USP12: variants seen among roughly 807,000 people sequenced by gnomAD.
The protein encoded by USP12 is ubiquitin carboxyl-terminal hydrolase 12.
In USP12, 19 loss-of-function variants were observed where a neutral mutation model predicts 45.5. That is an observed-to-expected ratio of 0.42 (90% CI 0.29 to 0.61). USP12 has a LOEUF of 0.61. Among genes scored for constraint, USP12 ranks in the 20% least tolerant of loss-of-function variants. USP12 has a pLI of 0.22. For synonymous variants in USP12, 149 were observed against 148.8 expected (o/e 1.00, Z -0.01); for missense variants, 242 against 447.7 (o/e 0.54, Z 4.15).
At chr13:27,117,728 G>A (rs755768901) in intron 1 of USP12, 2 of 518,382 alleles carry the variant, frequency 3.9e-6, no homozygotes, top group Middle Eastern at 3.2e-4. Flanking sequence ...TGGGAATGGG[G>A]CAAAGGAGAA....
intron 2 of USP12, among the ~76,000 whole-genome samples, chr13:27,107,102 ATCAC>A (rs1875178840): frequency 6.6e-6 from 1 of 152,132 alleles, no homozygotes; most frequent in Admixed American, 6.5e-5. Context: ...AGGCAGGCGG[ATCAC>A]TTGAGGTTAG....
At chr13:27,167,814 C>T (rs1210303705) in intron 1 of USP12, among the ~76,000 whole-genome samples, 3 of 152,130 alleles carry the variant, frequency 2.0e-5, no homozygotes, top group African/African-American at 7.2e-5. Flanking sequence ...TTCCCAACAA[C>T]GCATGGGCTC....
intron 1 of USP12, among the ~76,000 whole-genome samples, chr13:27,122,759 G>A (rs1158209930): frequency 6.6e-6 from 1 of 152,068 alleles, no homozygotes; most frequent in East Asian, 1.9e-4. Context: ...CAATATTCCT[G>A]TCAATGTAAG....
intron 6 of USP12, 63 bp from the exon 7 acceptor site, chr13:27,075,451 C>G (rs906322309): frequency 1.5e-5 from 22 of 1,426,604 alleles, no homozygotes; most frequent in Non-Finnish European, 2.1e-5. Context: ...CTTGAATTAT[C>G]AAACTTTACG....
chr13:27,081,191 T>C (rs1873742699), intron 6 of USP12, among the ~76,000 whole-genome samples: 1 of 152,228 alleles, frequency 6.6e-6, no homozygotes, highest in South Asian at 2.1e-4. Flanking sequence ...TGTGATGCTG[T>C]TTGACAGCAT....
intron 2 of USP12, among the ~76,000 whole-genome samples, chr13:27,108,484 G>A (rs1238948891): frequency 6.6e-6 from 1 of 150,762 alleles, no homozygotes; most frequent in African/African-American, 2.4e-5. Context: ...GTATACATAT[G>A]TAGCTAACCT....
intron 1 of USP12, among the ~76,000 whole-genome samples, chr13:27,127,647 G>A (rs1235074710): frequency 6.6e-6 from 1 of 151,986 alleles, no homozygotes; most frequent in Non-Finnish European, 1.5e-5. Flanking sequence ...AACCTGATAG[G>A]GAAGATTTCT....
chr13:27,079,461 G>A (rs1401386097), intron 6 of USP12, among the ~76,000 whole-genome samples: 1 of 152,156 alleles, frequency 6.6e-6, no homozygotes, highest in Non-Finnish European at 1.5e-5. Flanking sequence ...CCAAGGGGGA[G>A]TCCTTCCCAG....
At chr13:27,114,202 C>T (rs771188878) in intron 2 of USP12, among the ~76,000 whole-genome samples, 1 of 151,678 alleles carries the variant, frequency 6.6e-6, no homozygotes, top group African/African-American at 2.4e-5. Flanking sequence ...AAGAACCATA[C>T]AATAAAACAA....
At chr13:27,146,874 T>C (rs1470412075) in intron 1 of USP12, among the ~76,000 whole-genome samples, 2 of 152,242 alleles carry the variant, frequency 1.3e-5, no homozygotes, top group East Asian at 3.8e-4. Context: ...AGGTAATTCC[T>C]AATCCAGTAT....
chr13:27,127,306 A>T (rs1876287401), intron 1 of USP12, among the ~76,000 whole-genome samples: 1 of 152,226 alleles, frequency 6.6e-6, no homozygotes, highest in Non-Finnish European at 1.5e-5. Context: ...TAAAATCAGA[A>T]ATCGGCACAA....
In USP12 at chr13:27,167,269, A is replaced by AAT. The variant is rs1566010386; in HGVS notation, c.48+4322_48+4323insAT. Among the ~76,000 whole-genome samples the AAT allele has an allele frequency of 2.7e-5, 4 of 147,268 alleles. No individual in the cohort carries two copies. In the East Asian group the frequency reaches 5.9e-4, roughly 22 times the overall value. ...AAGAGTGAAACTCCGTCTCAAAAAA[A>AAT]AAATAAAATAAATAAATAAATAACA... On this transcript the variant is annotated intron_variant, in intron 1 of 8. Coordinates refer to ENST00000282344, the MANE Select transcript of USP12 (RefSeq NM_182488.4).
At chr13:27,109,276 C>T (rs573950854) in intron 2 of USP12, among the ~76,000 whole-genome samples, 5 of 152,278 alleles carry the variant, frequency 3.3e-5, no homozygotes, top group East Asian at 3.9e-4. Context: ...AACACCCCAG[C>T]GATTTCAGCA....
chr13:27,152,244 C>T (rs1877600952), intron 1 of USP12, among the ~76,000 whole-genome samples: 2 of 152,088 alleles, frequency 1.3e-5, no homozygotes, highest in South Asian at 2.1e-4. Context: ...TGTCCATCAA[C>T]GAACAAATAA....
chr13:27,160,851 C>T (rs113017983), intron 1 of USP12, among the ~76,000 whole-genome samples: 126 of 151,418 alleles, frequency 8.3e-4, no homozygotes, highest in Non-Finnish European at 1.7e-3. Flanking sequence ...GTTTGTGACA[C>T]AGGTAAACGT....
intron 3 of USP12, among the ~76,000 whole-genome samples, chr13:27,103,992 T>C (rs1369037724): frequency 6.6e-6 from 1 of 152,130 alleles, no homozygotes; most frequent in Non-Finnish European, 1.5e-5. Flanking sequence ...TACTATTAAA[T>C]GAAAAGGGAA....
intron 1 of USP12, among the ~76,000 whole-genome samples, chr13:27,152,829 C>T (rs1877635190): frequency 6.6e-6 from 1 of 151,452 alleles, no homozygotes; most frequent in Non-Finnish European, 1.5e-5. Context: ...GTAGTCCCAG[C>T]TACTCAGGAG....
At chr13:27,069,815 C>T (rs937792012) in intron 8 of USP12, among the ~76,000 whole-genome samples, 2 of 152,094 alleles carry the variant, frequency 1.3e-5, no homozygotes, top group African/African-American at 2.4e-5. Flanking sequence ...GGCGTGTTGG[C>T]GCATGCCTGT....
In USP12 at chr13:27,155,114, C is replaced by T. The variant is rs375132796; in HGVS notation, c.48+16478G>A. Among the ~76,000 whole-genome samples, 28 of 117,982 alleles carry T rather than the reference C, an allele frequency of 2.4e-4. 2 individuals carry two copies. In the Admixed American group the frequency reaches 2.5e-3, roughly 11 times the overall value. 77.4% of individuals were successfully genotyped at this position (117,982 alleles called of 152,430 possible). On this transcript the variant is annotated intron_variant, in intron 1 of 8. Transcript: ENST00000282344. The stretch of plus-strand genomic sequence containing the variant: ...TTTTTTTTTTTGAGACGGAACCTCG[C>T]TCTGTCACCCAGACTGGAGTGCAGT...
Sources: gnomAD v4.1 joint callset for allele counts (sites outside exome capture counted in the v4.1 genomes callset) on GRCh38, gnomAD v4.1.1 for gene constraint, MANE v1.5 for transcripts, NCBI Gene and HGNC (gene_info 2026-07-23, HGNC 2026-07-21) for gene names.